Variants in ITGB3BP observed in about 807,000 individuals in gnomAD.
ITGB3BP encodes the protein centromere protein R.
In ITGB3BP, 27 loss-of-function variants were observed where a neutral mutation model predicts 29.1. The observed-to-expected ratio is 0.93, with a 90% CI of 0.68 to 1.28. ITGB3BP has a LOEUF of 1.28. ITGB3BP is among the 50% of genes most tolerant of loss of function. ITGB3BP has a pLI of 0.00. For missense variants in ITGB3BP, 192 were observed against 200.2 expected, an observed-to-expected ratio of 0.96 and a Z score of 0.25; for synonymous variants, 61 against 61.4, an observed-to-expected ratio of 0.99 and a Z score of 0.03.
intron 7 of ITGB3BP, chr1:63,452,021 G>T (rs1488069908): frequency 6.6e-6 from 1 of 151,972 alleles, no homozygotes; most frequent in African/African-American, 2.4e-5. Context: ...GCAGGAACTC[G>T]GTCCTTTGGG....
At chr1:63,450,091 C>T (rs1334028553) in intron 7 of ITGB3BP, among the ~76,000 whole-genome samples, 4 of 151,762 alleles carry the variant, frequency 2.6e-5, no homozygotes, top group East Asian at 1.9e-4. Flanking sequence ...ATAACCAAGA[C>T]GAATTTTACT....
rs1335495305 is a variant in ITGB3BP, at chr1:63,507,570, G to C, written c.48+958C>G. ...CCAAAGAAACAGATGCAGAATTACA[G>C]TCACAGCTGCATTCTGCACAGAACA... is the stretch of plus-strand genomic sequence containing the variant. On this transcript the variant is annotated intron_variant, in intron 2 of 8. Coordinates refer to ENST00000271002, the MANE Select transcript of ITGB3BP (RefSeq NM_014288.5). 2.6e-5 allele frequency among the ~76,000 whole-genome samples: 4 copies of C among 152,306 alleles called. No homozygotes were observed. The East Asian group carries it at 7.7e-4, about 29-fold the overall frequency.
rs189237663 is a variant in ITGB3BP at position 63,519,719 on chromosome 1, T to C, written c.5+3410A>G. On this transcript the variant is annotated intron_variant, in intron 1 of 8. Coordinates refer to ENST00000271002, the MANE Select transcript of ITGB3BP (RefSeq NM_014288.5). ...CACATCATTCCACCCACCTACTTCTTTATAATCAACCCACAAAATAAAAAT... is the reference window on the plus strand; with the variant it reads ...CACATCATTCCACCCACCTACTTCTCTATAATCAACCCACAAAATAAAAAT... 4.7e-4 allele frequency among the ~76,000 whole-genome samples: 71 copies of C among 152,148 alleles called. 1 individual carries two copies. Among genetic ancestry groups the C allele is most frequent in the African/African-American group, 1.6e-3 (67 of 41,560 alleles).
intron 4 of ITGB3BP, among the ~76,000 whole-genome samples, chr1:63,473,632 CCCCGCCCGGCCAGCCG>C (rs1343665069): frequency 3.0e-5 from 4 of 131,962 alleles, no homozygotes; most frequent in African/African-American, 1.1e-4. Flanking sequence ...GGGGTCAGCC[CCCCGCCCGGCCAGCCG>C]CCCCGTCCGG....
At chr1:63,456,508 C>G (rs1644938868) in intron 4 of ITGB3BP, among the ~76,000 whole-genome samples, 1 of 152,126 alleles carries the variant, frequency 6.6e-6, no homozygotes, top group African/African-American at 2.4e-5. Context: ...GGGACTCCCA[C>G]CAAGGCTGGA....
At chr1:63,525,898 A>G (rs902620216), upstream of ITGB3BP, 1 of 588,472 alleles carries the variant, frequency 1.7e-6, no homozygotes, top group Non-Finnish European at 2.9e-6. Context: ...ACAGTAAGCT[A>G]TTATGTCATA....
intron 4 of ITGB3BP, among the ~76,000 whole-genome samples, chr1:63,465,560 T>TA (rs1261234710): frequency 1.9e-4 from 28 of 148,810 alleles, no homozygotes; most frequent in African/African-American, 3.9e-4. Context: ...GCTTGCTAAT[T>TA]AAAAAAAAAA....
upstream of ITGB3BP, chr1:63,528,113 T>G (rs550534286): frequency 6.6e-6 from 1 of 152,472 alleles, no homozygotes; most frequent in East Asian, 1.9e-4. Flanking sequence ...ATTGAAGAGA[T>G]ATCTGCACTC....
intron 8 of ITGB3BP, among the ~76,000 whole-genome samples, chr1:63,445,821 C>T (rs1226839370): frequency 6.6e-6 from 1 of 152,106 alleles, no homozygotes; most frequent in African/African-American, 2.4e-5. Context: ...TGGTCCTGGG[C>T]TCAAGCGATC....
At chr1:63,501,401 G>T (rs9436682) in intron 2 of ITGB3BP, among the ~76,000 whole-genome samples, 138,864 of 149,000 alleles carry the variant, frequency 0.93, 64,751 homozygotes, top group South Asian at 0.98. Context: ...ATATGAAATG[G>T]TCAGAAGAAG....
chr1:63,450,463 C>T (rs138836492), intron 7 of ITGB3BP, among the ~76,000 whole-genome samples: 40 of 151,972 alleles, frequency 2.6e-4, no homozygotes, highest in African/African-American at 9.4e-4. Flanking sequence ...ATATTAACTA[C>T]TATATAATGC....
chr1:63,483,014 T>C (rs1302845756), intron 3 of ITGB3BP, among the ~76,000 whole-genome samples: 1 of 152,188 alleles, frequency 6.6e-6, no homozygotes, highest in Non-Finnish European at 1.5e-5. Context: ...GATAGAAATA[T>C]AATAATATTC....
chr1:63,446,794 G>T lies in ITGB3BP; in HGVS notation c.*1+12C>A. Reference sequence around the variant, plus strand: ...CACAAGGTTAAACTAAATTAGAAAGGTGAAACAGTACCTCAGTTTAAAATG... The same window carrying T: ...CACAAGGTTAAACTAAATTAGAAAGTTGAAACAGTACCTCAGTTTAAAATG... On this transcript the variant is annotated intron_variant, in intron 8 of 8. Transcript: ENST00000271002. 6.3e-7 allele frequency: 1 copy of T among 1,577,900 alleles called. No individual in the cohort carries two copies. Among genetic ancestry groups the T allele is most frequent in the South Asian group, 1.1e-5 (1 of 90,242 alleles).
chr1:63,498,517 C>T (rs775197824), intron 2 of ITGB3BP, among the ~76,000 whole-genome samples: 6 of 151,550 alleles, frequency 4.0e-5, no homozygotes, highest in African/African-American at 7.3e-5. Flanking sequence ...AAGAACAAAA[C>T]GCAACAAAAC....
At chr1:63,448,226 GC>G (rs1319900802) in intron 7 of ITGB3BP, among the ~76,000 whole-genome samples, 2 of 148,380 alleles carry the variant, frequency 1.3e-5, no homozygotes, top group African/African-American at 2.5e-5. Flanking sequence ...TATACCTAAT[GC>G]TAAATGACGA....
chr1:63,485,640 T>G (rs1645514318), intron 3 of ITGB3BP, among the ~76,000 whole-genome samples: 1 of 152,088 alleles, frequency 6.6e-6, no homozygotes, highest in Non-Finnish European at 1.5e-5. Context: ...GTAACTTATT[T>G]TGTAGTTATT....
At chr1:63,486,198 C>A (rs898033317) in intron 3 of ITGB3BP, among the ~76,000 whole-genome samples, 2 of 151,970 alleles carry the variant, frequency 1.3e-5, no homozygotes, top group Non-Finnish European at 2.9e-5. Context: ...GTACTCTCTT[C>A]GACTATGCAA....
At chr1:63,490,900 G>C (rs778229064) in intron 2 of ITGB3BP, among the ~76,000 whole-genome samples, 2 of 152,048 alleles carry the variant, frequency 1.3e-5, no homozygotes, top group Non-Finnish European at 2.9e-5. Context: ...ATATCCTAGA[G>C]AACTAAAAAA....
At chr1:63,446,627 C>T (rs947414736) in intron 8 of ITGB3BP, 179 bp downstream of exon 8, 13 of 575,750 alleles carry the variant, frequency 2.3e-5, no homozygotes, top group Middle Eastern at 4.7e-4. Context: ...ATGTCAGATG[C>T]CCTCCTGTTG....
Sources: allele counts gnomAD v4.1 joint callset (sites outside exome capture counted in the v4.1 genomes callset), GRCh38; gene constraint gnomAD v4.1.1; transcripts MANE v1.5; gene names NCBI Gene and HGNC (gene_info 2026-07-23, HGNC 2026-07-21).